Variants in PCP4L1 observed in about 807,000 individuals in gnomAD.
PCP4L1 encodes the protein Purkinje cell protein 4-like protein 1.
In PCP4L1, 9 loss-of-function variants were observed where a neutral mutation model predicts 9.6. That is an observed-to-expected ratio of 0.94 (90% CI 0.57 to 1.64). The LOEUF is 1.64. PCP4L1 is among the 40% of genes most tolerant of loss of function. The probability of loss-of-function intolerance (pLI) is 0.00; values close to 1 mark genes in which losing one functional copy is unlikely to be tolerated. For missense variants in PCP4L1, 81 were observed against 80.8 expected (o/e 1.00, Z -0.01); for synonymous variants, 31 against 28.2 (o/e 1.10, Z -0.31).
intron 1 of PCP4L1, among the ~76,000 whole-genome samples, chr1:161,281,483 C>T (rs1224351942): frequency 6.6e-6 from 1 of 151,144 alleles, no homozygotes; most frequent in East Asian, 2.0e-4. Context: ...CCCCACCTCC[C>T]TCCCGGACTG....
At chr1:161,274,797 AT>A (rs1048339827) in intron 1 of PCP4L1, among the ~76,000 whole-genome samples, 2 of 152,084 alleles carry the variant, frequency 1.3e-5, no homozygotes, top group African/African-American at 4.8e-5. Flanking sequence ...CAGAGTGGCT[AT>A]TTCGAGAACT....
In PCP4L1 at chr1:161,258,755, G is replaced by C. The variant is rs752420811; in HGVS notation, c.-220G>C. On this transcript the variant is annotated 5_prime_UTR_variant, in exon 1 of 3. Transcript: ENST00000504449. The stretch of plus-strand genomic sequence containing the variant: ...CGGAGGCGGCGAGCTGAGCGGCTCT[G>C]ACAGGACGGGTCGCAGGGGGTCGCC... 5 of 689,056 alleles carry C rather than the reference G, an allele frequency of 7.3e-6. No homozygotes were observed. In the African/African-American group the frequency reaches 7.3e-5, roughly 10 times the overall value. The allele number at this position is 689,056 out of a possible 1,614,324, so 42.7% of individuals were successfully genotyped here. A position where few individuals can be genotyped will look rare whatever the true frequency, so the allele number is the denominator to read the frequency against.
intron 1 of PCP4L1, among the ~76,000 whole-genome samples, chr1:161,261,421 C>T (rs1434150299): frequency 6.6e-6 from 1 of 152,112 alleles, no homozygotes; most frequent in African/African-American, 2.4e-5. Flanking sequence ...TGTGTGTGTG[C>T]GTTCGTGCAC....
chr1:161,270,668 T>C (rs1186111814), intron 1 of PCP4L1, among the ~76,000 whole-genome samples: 1 of 151,136 alleles, frequency 6.6e-6, no homozygotes, highest in Non-Finnish European at 1.5e-5. Context: ...GGTCAAGAGA[T>C]TGAGACCATC....
At chr1:161,283,786 G>T in intron 2 of PCP4L1, 64 bp downstream of exon 2, 1 of 1,481,336 alleles carries the variant, frequency 6.8e-7, no homozygotes, top group Non-Finnish European at 9.2e-7. Flanking sequence ...AGACAAGTAG[G>T]GTGAGTCTGG....
chr1:161,272,573 A>AAT (rs1553257357), intron 1 of PCP4L1, among the ~76,000 whole-genome samples: 2 of 151,704 alleles, frequency 1.3e-5, no homozygotes, highest in African/African-American at 4.9e-5. Flanking sequence ...AAAAAAAAAA[A>AAT]AAAAATTGGT....
intron 1 of PCP4L1, among the ~76,000 whole-genome samples, chr1:161,267,088 G>A (rs934284391): frequency 6.6e-6 from 1 of 152,110 alleles, no homozygotes; most frequent in African/African-American, 2.4e-5. Context: ...GAACAAGCAG[G>A]GAGCTTAGGA....
rs1669878841 is a variant in PCP4L1, at chr1:161,284,659, G to C, written c.*178G>C. ...CAGAAGTAGAGGCACAAGAGAGGTG[G>C]AGAAGATGAAGACTTCAATCAGCAG... On this transcript the variant is annotated 3_prime_UTR_variant, in exon 3 of 3. Coordinates refer to ENST00000504449, the MANE Select transcript of PCP4L1 (RefSeq NM_001102566.2). The C allele has an allele frequency of 1.2e-6, 1 of 807,920 alleles. No homozygotes were observed. Among genetic ancestry groups the C allele is most frequent in the Non-Finnish European group, 1.9e-6 (1 of 515,778 alleles). The allele number at this position is 807,920 out of a possible 1,614,324, so 50.0% of individuals were successfully genotyped here.
At chr1:161,267,089 G>A (rs1669544136) in intron 1 of PCP4L1, among the ~76,000 whole-genome samples, 1 of 152,128 alleles carries the variant, frequency 6.6e-6, no homozygotes, top group Non-Finnish European at 1.5e-5. Flanking sequence ...AACAAGCAGG[G>A]AGCTTAGGAA....
chr1:161,271,565 A>G (rs981282999), intron 1 of PCP4L1, among the ~76,000 whole-genome samples: 1 of 151,902 alleles, frequency 6.6e-6, no homozygotes. Context: ...GTGTAGTGGC[A>G]TGATGTTGGC....
At chr1:161,284,206 T>A in intron 2 of PCP4L1, 133 bp from the exon 3 acceptor site, 1 of 1,159,402 alleles carries the variant, frequency 8.6e-7, no homozygotes, top group Non-Finnish European at 1.2e-6. Context: ...CAGGCATTCA[T>A]AATCCTAGCA....
intron 2 of PCP4L1, 112 bp from the exon 3 acceptor site, chr1:161,284,227 G>T: frequency 7.0e-7 from 1 of 1,431,102 alleles, no homozygotes; most frequent in South Asian, 1.3e-5. Flanking sequence ...AAAATTTGGG[G>T]ACCCCACAGA....
At chr1:161,270,871 C>A (rs1669613628) in intron 1 of PCP4L1, among the ~76,000 whole-genome samples, 1 of 123,178 alleles carries the variant, frequency 8.1e-6, no homozygotes, top group African/African-American at 3.1e-5. Context: ...GAGGGAGACT[C>A]CGTCTAAAAA....
intron 1 of PCP4L1, among the ~76,000 whole-genome samples, chr1:161,281,508 C>T (rs1388234174): frequency 6.1e-5 from 9 of 148,004 alleles, no homozygotes; most frequent in South Asian, 2.2e-4. Flanking sequence ...GCTGGCCGGG[C>T]GGGGGCTGAC....
chr1:161,281,049 G>T (rs562712092), intron 1 of PCP4L1, among the ~76,000 whole-genome samples: 8 of 152,050 alleles, frequency 5.3e-5, no homozygotes, highest in African/African-American at 1.9e-4. Context: ...GACTCTTAAC[G>T]AGCATGCTGC....
intron 1 of PCP4L1, among the ~76,000 whole-genome samples, chr1:161,271,942 G>A (rs1438874411): frequency 1.3e-5 from 2 of 151,626 alleles, no homozygotes; most frequent in South Asian, 4.2e-4. Context: ...CGAGTAGCTG[G>A]GACTACAGGT....
chr1:161,260,903 C>A (rs1178602582), intron 1 of PCP4L1, among the ~76,000 whole-genome samples: 2 of 152,116 alleles, frequency 1.3e-5, no homozygotes, highest in Admixed American at 1.3e-4. Context: ...CAGAGCTGAG[C>A]CTGGTCTTAG....
chr1:161,263,610 A>G (rs1669456722), intron 1 of PCP4L1, among the ~76,000 whole-genome samples: 1 of 149,372 alleles, frequency 6.7e-6, no homozygotes, highest in Non-Finnish European at 1.5e-5. Flanking sequence ...TTTTGAGACA[A>G]TATCTCTGTC....
intron 1 of PCP4L1, among the ~76,000 whole-genome samples, chr1:161,270,305 TATA>T (rs1669601494): frequency 6.6e-6 from 1 of 151,696 alleles, no homozygotes. Context: ...TCAAAAAATA[TATA>T]ATAATAAAAT....
Sources: allele counts gnomAD v4.1 joint callset (sites outside exome capture counted in the v4.1 genomes callset), GRCh38; gene constraint gnomAD v4.1.1; transcripts MANE v1.5; gene names NCBI Gene and HGNC (gene_info 2026-07-23, HGNC 2026-07-21).